Variants in ADGRB3 observed in about 807,000 individuals in gnomAD.
The protein encoded by ADGRB3 is brain-specific angiogenesis inhibitor 3.
A neutral mutation model predicts 193.4 loss-of-function variants in ADGRB3; 37 were observed. The observed-to-expected ratio is 0.19, with a 90% CI of 0.15 to 0.25. ADGRB3 has a LOEUF of 0.25. ADGRB3 is among the 10% of genes least tolerant of loss of function. The probability of loss-of-function intolerance (pLI) is 1.00; values close to 1 mark genes in which losing one functional copy is unlikely to be tolerated. For synonymous variants in ADGRB3, 690 were observed against 644.2 expected, an observed-to-expected ratio of 1.07 and a Z score of -1.08; for missense variants, 1,637 against 1,852.9, an observed-to-expected ratio of 0.88 and a Z score of 2.14.
chr6:68,811,651 G>C (rs186174890), intron 3 of ADGRB3, among the ~76,000 whole-genome samples: 4 of 152,028 alleles, frequency 2.6e-5, no homozygotes, highest in Admixed American at 2.6e-4. Context: ...TGTATTTTTA[G>C]TAGAGACAGG....
At chr6:69,089,506 G>T (rs966562692) in intron 17 of ADGRB3, among the ~76,000 whole-genome samples, 1 of 152,108 alleles carries the variant, frequency 6.6e-6, no homozygotes, top group Non-Finnish European at 1.5e-5. Flanking sequence ...AGCCTCTATT[G>T]TTAGGGTTAA....
chr6:69,265,457 CCCATGTT>C (rs1767020781), intron 20 of ADGRB3, among the ~76,000 whole-genome samples: 1 of 151,898 alleles, frequency 6.6e-6, no homozygotes, highest in African/African-American at 2.4e-5. Flanking sequence ...GTTCTTATCC[CCCATGTT>C]CCATATGGGG....
At chr6:69,358,646 A>G (rs1242286526) in intron 28 of ADGRB3, among the ~76,000 whole-genome samples, 1 of 151,840 alleles carries the variant, frequency 6.6e-6, no homozygotes, top group Non-Finnish European at 1.5e-5. Context: ...CTGAGGTGAA[A>G]TTCACTTCCC....
chr6:69,281,327 A>G (rs1319220234), intron 20 of ADGRB3, among the ~76,000 whole-genome samples: 2 of 152,154 alleles, frequency 1.3e-5, no homozygotes, highest in Non-Finnish European at 2.9e-5. Context: ...ACAAATACTG[A>G]TTCATAGAAC....
chr6:69,105,019 G>T (rs904109223), intron 17 of ADGRB3, among the ~76,000 whole-genome samples: 10 of 152,122 alleles, frequency 6.6e-5, no homozygotes, highest in African/African-American at 2.4e-4. Flanking sequence ...CTTAATAATT[G>T]ATCCTCAAGT....
chr6:68,764,376 A>G (rs957259627), intron 3 of ADGRB3, among the ~76,000 whole-genome samples: 4 of 152,242 alleles, frequency 2.6e-5, no homozygotes, highest in African/African-American at 9.6e-5. Flanking sequence ...ATAAAGAAGT[A>G]TGTATGATCT....
chr6:68,700,158 A>T (rs1003313535), intron 3 of ADGRB3, among the ~76,000 whole-genome samples: 1 of 152,182 alleles, frequency 6.6e-6, no homozygotes, highest in Non-Finnish European at 1.5e-5. Flanking sequence ...AAACACATTC[A>T]GGTGCCTAGG....
intron 3 of ADGRB3, among the ~76,000 whole-genome samples, chr6:68,850,790 T>G (rs971998625): frequency 2.0e-5 from 3 of 151,984 alleles, no homozygotes; most frequent in Admixed American, 6.6e-5. Context: ...TATATAAACC[T>G]CAACATTTTT....
intron 17 of ADGRB3, among the ~76,000 whole-genome samples, chr6:69,185,979 T>A (rs1388709981): frequency 6.6e-6 from 1 of 151,906 alleles, no homozygotes; most frequent in African/African-American, 2.4e-5. Flanking sequence ...AGAAAGAAAA[T>A]CAGAGCTTTA....
intron 28 of ADGRB3, 108 bp from the exon 29 acceptor site, chr6:69,360,761 C>A: frequency 2.6e-6 from 3 of 1,152,326 alleles, no homozygotes; most frequent in South Asian, 1.7e-5. Flanking sequence ...ACATACCTAC[C>A]AAATAATATA....
intron 19 of ADGRB3, among the ~76,000 whole-genome samples, chr6:69,238,556 A>G (rs1416260170): frequency 1.3e-5 from 2 of 152,090 alleles, no homozygotes; most frequent in African/African-American, 4.8e-5. Flanking sequence ...TTGAACAATT[A>G]TTCAGGAAAA....
chr6:69,236,424 A>T (rs1315976422), intron 19 of ADGRB3, among the ~76,000 whole-genome samples: 1 of 152,118 alleles, frequency 6.6e-6, no homozygotes, highest in South Asian at 2.1e-4. Flanking sequence ...TTTAAACATG[A>T]CATTGTAGGC....
intron 3 of ADGRB3, among the ~76,000 whole-genome samples, chr6:68,869,874 G>A (rs1020936295): frequency 6.6e-6 from 1 of 152,188 alleles, no homozygotes; most frequent in Admixed American, 6.5e-5. Flanking sequence ...CACCTCCCAG[G>A]TTCAAGTGAT....
chr6:68,839,047 C>G (rs962009417), intron 3 of ADGRB3, among the ~76,000 whole-genome samples: 1 of 150,356 alleles, frequency 6.7e-6, no homozygotes, highest in Non-Finnish European at 1.5e-5. Flanking sequence ...CTCTCTTTCT[C>G]TCTCTCTTCC....
At chr6:69,233,233 G>T in intron 17 of ADGRB3, 57 bp from the exon 18 acceptor site, 2 of 1,592,758 alleles carry the variant, frequency 1.3e-6, no homozygotes, top group Non-Finnish European at 1.7e-6. Context: ...CTTCTTTACG[G>T]ATTTGGCTAT....
At chr6:68,845,182 T>C (rs1307812526) in intron 3 of ADGRB3, among the ~76,000 whole-genome samples, 1 of 152,210 alleles carries the variant, frequency 6.6e-6, no homozygotes, top group Non-Finnish European at 1.5e-5. Flanking sequence ...ATGTGACTAT[T>C]ATACACTGTA....
rs73748510 is a variant in ADGRB3, at chr6:69,362,695, T to G, written c.4239+1183T>G. On this transcript the variant is annotated intron_variant, in intron 29 of 31. Coordinates refer to ENST00000370598, the MANE Select transcript of ADGRB3 (RefSeq NM_001704.3). ...CATTCTTCAGAACCAAAGGCATAGA[T>G]AGGGCTTCATTAGAAGCCAAGTTCA... Among the ~76,000 whole-genome samples the G allele has an allele frequency of 6.3e-3, 954 of 152,082 alleles. 10 individuals carry two copies. Among genetic ancestry groups the G allele is most frequent in the African/African-American group, 0.021 (873 of 41,522 alleles).
intron 16 of ADGRB3, among the ~76,000 whole-genome samples, chr6:69,063,284 T>C (rs1439759066): frequency 6.6e-6 from 1 of 152,026 alleles, no homozygotes; most frequent in Non-Finnish European, 1.5e-5. Flanking sequence ...ATTCTATGCT[T>C]TTTTCATGAT....
At chr6:68,774,099 G>T (rs1766691887) in intron 3 of ADGRB3, among the ~76,000 whole-genome samples, 2 of 151,952 alleles carry the variant, frequency 1.3e-5, no homozygotes, top group East Asian at 3.9e-4. Context: ...ATATATTTCA[G>T]ATTTCTGTCA....
Sources: allele counts gnomAD v4.1 joint callset (sites outside exome capture counted in the v4.1 genomes callset), GRCh38; gene constraint gnomAD v4.1.1; transcripts MANE v1.5; gene names NCBI Gene and HGNC (gene_info 2026-07-23, HGNC 2026-07-21).